Variants in MPPED2 observed in about 807,000 individuals in gnomAD.
MPPED2 encodes metallophosphoesterase domain containing 2, also known as metallophosphoesterase MPPED2.
In MPPED2, 5 loss-of-function variants were observed where a neutral mutation model predicts 33.0. That is an observed-to-expected ratio of 0.15 (90% CI 0.08 to 0.32). The LOEUF (loss-of-function observed/expected upper bound fraction) is 0.32, where lower values mean the gene tolerates loss of function less well. Ranked by LOEUF, MPPED2 falls within the 10% of genes least tolerant of loss-of-function variation. The probability of loss-of-function intolerance (pLI) is 1.00; values close to 1 mark genes in which losing one functional copy is unlikely to be tolerated. For synonymous variants in MPPED2, 136 were observed against 141.9 expected (o/e 0.96, Z 0.29); for missense variants, 275 against 372.1 (o/e 0.74, Z 2.15).
intron 6 of MPPED2, among the ~76,000 whole-genome samples, chr11:30,400,769 T>TA (rs1947898194): frequency 6.6e-6 from 1 of 152,094 alleles, no homozygotes; most frequent in South Asian, 2.1e-4. Flanking sequence ...AACATTTTTT[T>TA]TTTTTTTTAG....
intron 3 of MPPED2, among the ~76,000 whole-genome samples, chr11:30,498,894 C>T (rs964249267): frequency 4.6e-5 from 7 of 152,292 alleles, no homozygotes; most frequent in African/African-American, 1.4e-4. Context: ...AAAACTTGCT[C>T]ATCAGTTCAG....
intron 2 of MPPED2, among the ~76,000 whole-genome samples, chr11:30,563,582 G>A (rs1376440943): frequency 6.6e-6 from 1 of 152,182 alleles, no homozygotes; most frequent in Admixed American, 6.5e-5. Flanking sequence ...CAAACTGTAA[G>A]GAGGGACACT....
chr11:30,506,061 G>A (rs1360738806), intron 3 of MPPED2, among the ~76,000 whole-genome samples: 2 of 151,972 alleles, frequency 1.3e-5, no homozygotes, highest in Non-Finnish European at 2.9e-5. Flanking sequence ...TTTTTGAAAT[G>A]GAGTCTCACT....
intron 2 of MPPED2, among the ~76,000 whole-genome samples, chr11:30,543,446 A>C (rs73459711): frequency 0.024 from 3,711 of 152,302 alleles, 132 homozygotes; most frequent in African/African-American, 0.084. Context: ...AATGACTCCA[A>C]AGTTCCATGA....
At chr11:30,450,904 T>C (rs1950030009) in intron 4 of MPPED2, among the ~76,000 whole-genome samples, 1 of 152,190 alleles carries the variant, frequency 6.6e-6, no homozygotes, top group African/African-American at 2.4e-5. Context: ...ACAGTAAAAA[T>C]ACTGAACCCG....
intron 4 of MPPED2, among the ~76,000 whole-genome samples, chr11:30,437,210 AC>A (rs2133877868): frequency 6.6e-6 from 1 of 152,342 alleles, no homozygotes; most frequent in Non-Finnish European, 1.5e-5. Context: ...TAAGTTACCT[AC>A]CCACAACTCA....
chr11:30,541,374 C>T (rs185310604), intron 2 of MPPED2, among the ~76,000 whole-genome samples: 1 of 152,124 alleles, frequency 6.6e-6, no homozygotes, highest in East Asian at 1.9e-4. Context: ...TATTGCAAAC[C>T]TCATTGGTAG....
intron 3 of MPPED2, among the ~76,000 whole-genome samples, chr11:30,509,419 T>C (rs950889739): frequency 6.6e-5 from 10 of 152,188 alleles, no homozygotes; most frequent in African/African-American, 2.4e-4. Flanking sequence ...GAGTAATCAA[T>C]AGATGGAGTT....
chr11:30,494,737 CAAA>C (rs767500886), intron 4 of MPPED2, among the ~76,000 whole-genome samples: 19 of 47,624 alleles, frequency 4.0e-4, no homozygotes, highest in African/African-American at 5.6e-4. Flanking sequence ...TACTCCACCT[CAAA>C]AAAAAAAAAA....
chr11:30,522,387 T>TAC (rs60549510), intron 3 of MPPED2, among the ~76,000 whole-genome samples: 23,452 of 146,122 alleles, frequency 0.16, 1,973 homozygotes, highest in East Asian at 0.37. Context: ...CAGGAAAACA[T>TAC]ACACACACAC....
rs368646211 is a variant in MPPED2, at chr11:30,513,867, ACAAGGCATGATATTTTAAAATGCTACC to A, written c.311-18373_311-18347del. Among the ~76,000 whole-genome samples the A allele has an allele frequency of 3.6e-3, 529 of 148,056 alleles. 1 individual carries two copies. The highest frequency in any genetic ancestry group is 0.011 in the African/African-American group (404 of 37,848). The stretch of plus-strand genomic sequence containing the variant: ...GGAAACAAGATATTGAAACAAGGAA[ACAAGGCATGATATTTTAAAATGCTACC>A]CAAGCCTATCTCAGTCACTGGCCAA... On this transcript the variant is annotated intron_variant, in intron 3 of 6. Transcript: ENST00000358117.
At chr11:30,467,491 C>T (rs1950758819) in intron 4 of MPPED2, among the ~76,000 whole-genome samples, 1 of 152,082 alleles carries the variant, frequency 6.6e-6, no homozygotes, top group Non-Finnish European at 1.5e-5. Context: ...ATTTTAAGGG[C>T]CCAGTACCTG....
chr11:30,471,089 A>G (rs1452513714), intron 4 of MPPED2, among the ~76,000 whole-genome samples: 1 of 152,174 alleles, frequency 6.6e-6, no homozygotes, highest in Non-Finnish European at 1.5e-5. Flanking sequence ...CAAGCCAGAA[A>G]TTTAATCTTA....
chr11:30,388,720 A>AGCTTCCCTGTC (rs1276848872), exon 7 of MPPED2: 3 of 802,550 alleles, frequency 3.7e-6, no homozygotes, highest in Non-Finnish European at 5.3e-6. Flanking sequence ...CCACCAGGTG[A>AGCTTCCCTGTC]GCTTCCCTGT....
At chr11:30,386,358 CA>C (rs1304422259) in exon 7 of MPPED2, 1 of 175,108 alleles carries the variant, frequency 5.7e-6, no homozygotes, top group East Asian at 1.5e-4. Flanking sequence ...GGGCCACATT[CA>C]GGACCCCACT....
chr11:30,490,062 C>T (rs1951908487), intron 4 of MPPED2, among the ~76,000 whole-genome samples: 1 of 152,158 alleles, frequency 6.6e-6, no homozygotes, highest in Non-Finnish European at 1.5e-5. Context: ...CTCTACCTTA[C>T]CTCTACCCAG....
chr11:30,419,063 T>C (rs1045060144), intron 4 of MPPED2, among the ~76,000 whole-genome samples: 1 of 152,206 alleles, frequency 6.6e-6, no homozygotes, highest in Non-Finnish European at 1.5e-5. Flanking sequence ...CCTTAAGCCA[T>C]GCCCGGGGTG....
chr11:30,445,380 T>C (rs1177574862), intron 4 of MPPED2, among the ~76,000 whole-genome samples: 2 of 152,236 alleles, frequency 1.3e-5, no homozygotes, highest in Non-Finnish European at 2.9e-5. Context: ...TTCCATTCTA[T>C]TGTTAGACTG....
At chr11:30,407,964 A>G (rs531800294), downstream of MPPED2, among the ~76,000 whole-genome samples, 1 of 152,346 alleles carries the variant, frequency 6.6e-6, no homozygotes, top group East Asian at 1.9e-4. Context: ...GAATCTAAAG[A>G]CAAAGCATGG....
Sources: allele counts gnomAD v4.1 joint callset (sites outside exome capture counted in the v4.1 genomes callset), GRCh38; gene constraint gnomAD v4.1.1; transcripts MANE v1.5; gene names NCBI Gene and HGNC (gene_info 2026-07-23, HGNC 2026-07-21).